Variants in SLC24A3 observed in about 807,000 individuals in gnomAD.
SLC24A3 encodes sodium/potassium/calcium exchanger 3.
Under a neutral mutation model 75.8 loss-of-function variants are expected in SLC24A3, and 28 were observed. That is an observed-to-expected ratio of 0.37 (90% CI 0.27 to 0.51). The LOEUF is 0.51. Ranked by LOEUF, SLC24A3 falls within the 20% of genes least tolerant of loss-of-function variation. SLC24A3 has a pLI of 0.94. For synonymous variants in SLC24A3, 372 were observed against 334.1 expected (o/e 1.11, Z -1.24); for missense variants, 663 against 847.8 (o/e 0.78, Z 2.71).
intron 2 of SLC24A3, among the ~76,000 whole-genome samples, chr20:19,388,440 G>A (rs967153896): frequency 2.0e-5 from 3 of 152,036 alleles, no homozygotes; most frequent in Non-Finnish European, 2.9e-5. Context: ...AGCCTGGTGC[G>A]GTGGCTCACG....
At chr20:19,561,378 T>G (rs2030872620) in intron 3 of SLC24A3, among the ~76,000 whole-genome samples, 1 of 152,136 alleles carries the variant, frequency 6.6e-6, no homozygotes, top group Non-Finnish European at 1.5e-5. Context: ...TGGGGAATCC[T>G]AAATCATGTG....
chr20:19,416,012 C>T (rs890710633), intron 2 of SLC24A3, among the ~76,000 whole-genome samples: 9 of 152,158 alleles, frequency 5.9e-5, no homozygotes, highest in African/African-American at 2.2e-4. Flanking sequence ...TGCTTATTAG[C>T]TCTGTAAGTT....
intron 1 of SLC24A3, among the ~76,000 whole-genome samples, chr20:19,266,604 A>C (rs1427067783): frequency 6.6e-6 from 1 of 152,266 alleles, no homozygotes; most frequent in Non-Finnish European, 1.5e-5. Context: ...TGGAAGTGGC[A>C]GTGATTTTGA....
At chr20:19,341,959 C>A (rs139996260) in intron 2 of SLC24A3, among the ~76,000 whole-genome samples, 45 of 152,190 alleles carry the variant, frequency 3.0e-4, no homozygotes, top group African/African-American at 8.4e-4. Flanking sequence ...AGATACAATA[C>A]CTATTTTTGA....
At chr20:19,264,980 T>A (rs975510906) in intron 1 of SLC24A3, among the ~76,000 whole-genome samples, 1 of 152,228 alleles carries the variant, frequency 6.6e-6, no homozygotes, top group African/African-American at 2.4e-5. Context: ...CCACTTTCTT[T>A]CACTGTTTCC....
chr20:19,654,467 G>A (rs1463319764), intron 7 of SLC24A3, among the ~76,000 whole-genome samples: 4 of 151,434 alleles, frequency 2.6e-5, no homozygotes, highest in Non-Finnish European at 4.4e-5. Context: ...TTCTCACTCT[G>A]TATGCTCTGC....
chr20:19,565,823 T>A (rs1435583723), intron 3 of SLC24A3, among the ~76,000 whole-genome samples: 1 of 152,170 alleles, frequency 6.6e-6, no homozygotes, highest in Non-Finnish European at 1.5e-5. Flanking sequence ...ATGATTCAGA[T>A]CAGGGGCTTT....
At chr20:19,513,226 T>A (rs899332574) in intron 2 of SLC24A3, among the ~76,000 whole-genome samples, 4 of 152,186 alleles carry the variant, frequency 2.6e-5, no homozygotes, top group Admixed American at 6.5e-5. Context: ...AGAATGGAAT[T>A]GCAGATCCAT....
At chr20:19,243,216 G>C (rs1982384469) in intron 1 of SLC24A3, among the ~76,000 whole-genome samples, 1 of 152,158 alleles carries the variant, frequency 6.6e-6, no homozygotes, top group Admixed American at 6.5e-5. Context: ...TAAGATTGAT[G>C]TATATTATTT....
intron 1 of SLC24A3, among the ~76,000 whole-genome samples, chr20:19,236,168 A>G (rs1305391468): frequency 6.6e-6 from 1 of 152,240 alleles, no homozygotes; most frequent in East Asian, 1.9e-4. Context: ...TCTAAATAGC[A>G]TATGGGACAC....
intron 2 of SLC24A3, among the ~76,000 whole-genome samples, chr20:19,428,398 T>A (rs1406289960): frequency 6.6e-6 from 1 of 152,182 alleles, no homozygotes; most frequent in Non-Finnish European, 1.5e-5. Flanking sequence ...TCTGAGGGAC[T>A]TCTCAAAAAT....
At chr20:19,700,378 A>G (rs2032856392) in intron 15 of SLC24A3, among the ~76,000 whole-genome samples, 2 of 152,176 alleles carry the variant, frequency 1.3e-5, no homozygotes, top group South Asian at 4.1e-4. Flanking sequence ...AGGCAAGGGC[A>G]TGGAATATTG....
chr20:19,687,261 C>T (rs1342457275), intron 12 of SLC24A3, among the ~76,000 whole-genome samples: 1 of 152,182 alleles, frequency 6.6e-6, no homozygotes, highest in Non-Finnish European at 1.5e-5. Context: ...TTCCTAAAAG[C>T]CACAGAGCCC....
In SLC24A3 at chr20:19,592,900, A is replaced by G. The variant is rs148221305; in HGVS notation, c.612+7356A>G. ...AACCTCCACCTCCCAAGTTTAAGCG[A>G]TTCTCCTGCCTCAGCCTCCCGAGTA... On this transcript the variant is annotated intron_variant, in intron 6 of 16. Transcript: ENST00000328041. Among the ~76,000 whole-genome samples the G allele has an allele frequency of 2.6e-3, 396 of 149,692 alleles. 3 individuals carry two copies. The highest frequency in any genetic ancestry group is 9.6e-3 in the African/African-American group (389 of 40,490).
chr20:19,318,852 A>G (rs186507761), intron 2 of SLC24A3, among the ~76,000 whole-genome samples: 29 of 152,168 alleles, frequency 1.9e-4, no homozygotes, highest in Admixed American at 5.9e-4. Context: ...GCGAGGGGAG[A>G]TAAATATTCT....
intron 7 of SLC24A3, among the ~76,000 whole-genome samples, chr20:19,658,837 G>A (rs922777670): frequency 6.6e-6 from 1 of 152,118 alleles, no homozygotes; most frequent in Non-Finnish European, 1.5e-5. Context: ...CAGATTCTTC[G>A]CTGCTTCTCC....
rs116516646 is a variant in SLC24A3, at chr20:19,557,414, T to C, written c.349-22586T>C. Among the ~76,000 whole-genome samples the C allele has an allele frequency of 4.8e-3, 727 of 152,252 alleles. 7 individuals are homozygous for C. The highest frequency in any genetic ancestry group is 0.017 in the African/African-American group (694 of 41,536). ...TTACACCATGAACATCAGAAAATGC[T>C]ACAAATCAAGGTTTCATCCCCCAGT... On this transcript the variant is annotated intron_variant, in intron 3 of 16. Coordinates refer to ENST00000328041, the MANE Select transcript of SLC24A3 (RefSeq NM_020689.4).
chr20:19,447,574 A>G (rs1987408548), intron 2 of SLC24A3, among the ~76,000 whole-genome samples: 1 of 152,234 alleles, frequency 6.6e-6, no homozygotes, highest in South Asian at 2.1e-4. Context: ...ACAAAATAAA[A>G]TAAAACAAAA....
rs6132211 is a variant in SLC24A3, at chr20:19,515,075, G to T, written c.272-413G>T. Among the ~76,000 whole-genome samples the T allele has an allele frequency of 2.8e-4, 42 of 152,314 alleles. No individual in the cohort carries two copies. In the East Asian group the frequency reaches 7.3e-3, roughly 27 times the overall value. The stretch of plus-strand genomic sequence containing the variant: ...GCATGCATGCAGCAAAGTACATAAG[G>T]TTACACATGGAAACTGACTGTGTGG... On this transcript the variant is annotated intron_variant, in intron 2 of 16. Transcript: ENST00000328041.
Sources: gnomAD v4.1 joint callset for allele counts (sites outside exome capture counted in the v4.1 genomes callset) on GRCh38, gnomAD v4.1.1 for gene constraint, MANE v1.5 for transcripts, NCBI Gene and HGNC (gene_info 2026-07-23, HGNC 2026-07-21) for gene names.